PTPRD: variants seen among roughly 807,000 people sequenced by gnomAD.
The protein encoded by PTPRD is protein tyrosine phosphatase receptor type D, also known as receptor-type tyrosine-protein phosphatase delta.
In PTPRD, 34 loss-of-function variants were observed where a neutral mutation model predicts 214.5. The observed-to-expected ratio is 0.16, with a 90% confidence interval of 0.12 to 0.21. PTPRD has a LOEUF of 0.21. Ranked by LOEUF, PTPRD falls within the 10% of genes least tolerant of loss-of-function variation. PTPRD has a pLI of 1.00. For missense variants in PTPRD, 2,545 were observed against 2,398.7 expected, an observed-to-expected ratio of 1.06 and a Z score of -1.27; for synonymous variants, 1,128 against 845.7, an observed-to-expected ratio of 1.33 and a Z score of -5.79.
At chr9:9,375,655 G>A (rs1477860483) in intron 9 of PTPRD, among the ~76,000 whole-genome samples, 1 of 151,976 alleles carries the variant, frequency 6.6e-6, no homozygotes, top group African/African-American at 2.4e-5. Flanking sequence ...TATAACATAG[G>A]TAAACCTTCA....
intron 4 of PTPRD, among the ~76,000 whole-genome samples, chr9:10,022,878 T>G (rs2096850834): frequency 6.6e-6 from 1 of 152,162 alleles, no homozygotes; most frequent in South Asian, 2.1e-4. Flanking sequence ...AATTATATGG[T>G]TGTAATTAGG....
At chr9:9,120,335 C>T (rs2099816418) in intron 10 of PTPRD, among the ~76,000 whole-genome samples, 1 of 152,134 alleles carries the variant, frequency 6.6e-6, no homozygotes, top group South Asian at 2.1e-4. Context: ...TACATGGAGA[C>T]CGTGATGATA....
chr9:10,571,996 A>C (rs781502436), intron 2 of PTPRD, among the ~76,000 whole-genome samples: 1 of 152,164 alleles, frequency 6.6e-6, no homozygotes, highest in East Asian at 1.9e-4. Flanking sequence ...GGGACACCTG[A>C]TATAAGAGGC....
intron 9 of PTPRD, among the ~76,000 whole-genome samples, chr9:9,383,502 A>T (rs1169873863): frequency 1.3e-5 from 2 of 152,112 alleles, no homozygotes; most frequent in East Asian, 1.9e-4. Context: ...GCTCTTCATC[A>T]TCCTGAGTAT....
At chr9:8,780,680 A>T (rs1425009098) in intron 11 of PTPRD, among the ~76,000 whole-genome samples, 1 of 152,212 alleles carries the variant, frequency 6.6e-6, no homozygotes, top group Non-Finnish European at 1.5e-5. Context: ...AGGCCTGAGA[A>T]TCTACCTCAT....
chr9:10,072,171 A>T (rs891853920), intron 3 of PTPRD, among the ~76,000 whole-genome samples: 1 of 152,112 alleles, frequency 6.6e-6, no homozygotes, highest in South Asian at 2.1e-4. Context: ...AAATAAAGCC[A>T]TTCAAAACAT....
chr9:10,055,340 A>G (rs1054053342), intron 3 of PTPRD, among the ~76,000 whole-genome samples: 4 of 152,128 alleles, frequency 2.6e-5, no homozygotes, highest in African/African-American at 9.7e-5. Context: ...GGCATGATAA[A>G]TATAGTTACT....
rs571044886 is a variant in PTPRD, at chr9:10,049,023, A to G, written c.-544-15233T>C. ...AGCAAAAGAGAGCTGCAGTCCTTGA[A>G]CTGGATAAAGATGAGGTTTGAGAAA... On this transcript the variant is annotated intron_variant, in intron 3 of 45. Coordinates refer to ENST00000381196, the MANE Select transcript of PTPRD (RefSeq NM_002839.4). Among the ~76,000 whole-genome samples, 410 of 152,220 alleles carry G rather than the reference A, an allele frequency of 2.7e-3. 1 individual carries two copies. The highest frequency in any genetic ancestry group is 3.7e-3 in the Non-Finnish European group (250 of 68,018).
At chr9:10,280,306 T>G (rs979306326) in intron 3 of PTPRD, among the ~76,000 whole-genome samples, 4 of 151,450 alleles carry the variant, frequency 2.6e-5, no homozygotes, top group South Asian at 2.1e-4. Flanking sequence ...AGAAACACAG[T>G]TGACAGGATG....
chr9:9,650,023 C>G (rs1231364385), intron 7 of PTPRD, among the ~76,000 whole-genome samples: 1 of 151,904 alleles, frequency 6.6e-6, no homozygotes, highest in East Asian at 1.9e-4. Context: ...GTTCTGTGTC[C>G]CCACCAAAAT....
chr9:9,372,372 C>T (rs1478850613), intron 9 of PTPRD, among the ~76,000 whole-genome samples: 1 of 152,040 alleles, frequency 6.6e-6, no homozygotes, highest in Non-Finnish European at 1.5e-5. Flanking sequence ...ATGTAATGGC[C>T]TTCTTTGTCT....
At chr9:8,753,619 TAAATG>T (rs542567352) in intron 11 of PTPRD, among the ~76,000 whole-genome samples, 139 of 152,256 alleles carry the variant, frequency 9.1e-4, no homozygotes, top group Non-Finnish European at 1.7e-3. Context: ...TTGAAATAAA[TAAATG>T]AATTTTGCAA....
At chr9:9,758,900 A>G (rs2821518) in intron 6 of PTPRD, among the ~76,000 whole-genome samples, 20,094 of 152,092 alleles carry the variant, frequency 0.13, 2,184 homozygotes, top group African/African-American at 0.3. Flanking sequence ...AAAATAAGAC[A>G]CTTTAATAAC....
chr9:9,886,508 T>C (rs1405971758), intron 5 of PTPRD, among the ~76,000 whole-genome samples: 1 of 152,122 alleles, frequency 6.6e-6, no homozygotes, highest in Non-Finnish European at 1.5e-5. Flanking sequence ...ATGTAAATTG[T>C]GGCCAGAGGT....
chr9:8,489,598 C>T (rs1197962043), intron 27 of PTPRD, among the ~76,000 whole-genome samples: 1 of 152,112 alleles, frequency 6.6e-6, no homozygotes, highest in Non-Finnish European at 1.5e-5. Context: ...AAGGGTCACA[C>T]GAAGCGATGC....
intron 2 of PTPRD, among the ~76,000 whole-genome samples, chr9:10,457,780 T>C (rs772870745): frequency 1.1e-4 from 16 of 152,086 alleles, no homozygotes; most frequent in Non-Finnish European, 2.2e-4. Context: ...TTGGGTGTGT[T>C]GTGCTACTTC....
At chr9:9,730,864 T>C (rs960387289) in intron 7 of PTPRD, among the ~76,000 whole-genome samples, 23 of 152,134 alleles carry the variant, frequency 1.5e-4, no homozygotes, top group Admixed American at 1.5e-3. Flanking sequence ...CACCTAGCAT[T>C]GCACCTGACA....
chr9:10,011,795 G>A (rs1403801931), intron 4 of PTPRD, among the ~76,000 whole-genome samples: 1 of 151,914 alleles, frequency 6.6e-6, no homozygotes, highest in Non-Finnish European at 1.5e-5. Flanking sequence ...TGAATTTAGA[G>A]AAGCATTTCT....
intron 8 of PTPRD, among the ~76,000 whole-genome samples, chr9:9,554,462 GA>G (rs1370954825): frequency 6.6e-6 from 1 of 151,436 alleles, no homozygotes; most frequent in African/African-American, 2.4e-5. Flanking sequence ...GAGCTATTTA[GA>G]AAAAATGTTG....
Sources: gnomAD v4.1 joint callset for allele counts (sites outside exome capture counted in the v4.1 genomes callset) on GRCh38, gnomAD v4.1.1 for gene constraint, MANE v1.5 for transcripts, NCBI Gene and HGNC (gene_info 2026-07-23, HGNC 2026-07-21) for gene names.